Variants in GSE1 observed in about 807,000 individuals in gnomAD.
The protein encoded by GSE1 is genetic suppressor element 1.
GSE1 carries 32 observed loss-of-function variants against 112.6 expected under a neutral mutation model. The ratio of observed to expected loss-of-function variants is 0.28; its 90% confidence interval spans 0.21 to 0.38. The LOEUF (loss-of-function observed/expected upper bound fraction) is 0.38, where lower values mean the gene tolerates loss of function less well. Among genes scored for constraint, GSE1 ranks in the 10% least tolerant of loss-of-function variants. GSE1 has a pLI of 1.00. For missense variants in GSE1, 2,348 were observed against 1,699.2 expected (o/e 1.38, Z -6.71); for synonymous variants, 1,115 against 735.6 (o/e 1.52, Z -8.35).
intron 1 of GSE1, among the ~76,000 whole-genome samples, chr16:85,317,320 AC>A (rs1366846068): frequency 6.6e-6 from 1 of 152,076 alleles, no homozygotes; most frequent in Non-Finnish European, 1.5e-5. Flanking sequence ...TTCCTGTAGA[AC>A]GTCGATAGCC....
At chr16:85,186,221 G>A (rs557815419) in intron 1 of GSE1, among the ~76,000 whole-genome samples, 1 of 152,216 alleles carries the variant, frequency 6.6e-6, no homozygotes, top group East Asian at 1.9e-4. Flanking sequence ...CTGTAATCCC[G>A]GCAGTTTGAG....
chr16:85,300,983 C>A (rs975001106), intron 1 of GSE1, among the ~76,000 whole-genome samples: 1 of 152,158 alleles, frequency 6.6e-6, no homozygotes, highest in Non-Finnish European at 1.5e-5. Context: ...TGTGGGATGG[C>A]AGCATTCGGC....
At chr16:85,547,305 C>A (rs2044734079) in intron 2 of GSE1, among the ~76,000 whole-genome samples, 1 of 152,230 alleles carries the variant, frequency 6.6e-6, no homozygotes, top group African/African-American at 2.4e-5. Flanking sequence ...GAAATGTATT[C>A]TCTCACGGAA....
At chr16:85,486,479 G>A (rs994010476) in intron 2 of GSE1, among the ~76,000 whole-genome samples, 30 of 152,226 alleles carry the variant, frequency 2.0e-4, no homozygotes, top group Admixed American at 6.5e-4. Flanking sequence ...CATTGCAGCC[G>A]CTAAGTGGCA....
intron 2 of GSE1, among the ~76,000 whole-genome samples, chr16:85,392,496 T>C (rs1436361204): frequency 6.6e-6 from 1 of 152,210 alleles, no homozygotes; most frequent in African/African-American, 2.4e-5. Flanking sequence ...TTGACTGTGG[T>C]GAGTAGCTGC....
At chr16:85,481,377 G>T (rs780424472) in intron 2 of GSE1, among the ~76,000 whole-genome samples, 1 of 152,236 alleles carries the variant, frequency 6.6e-6, no homozygotes, top group Non-Finnish European at 1.5e-5. Flanking sequence ...GGTTAACTCT[G>T]GGGACAGAGG....
intron 1 of GSE1, among the ~76,000 whole-genome samples, chr16:85,259,521 G>T (rs1359036882): frequency 6.6e-6 from 1 of 152,248 alleles, no homozygotes; most frequent in Non-Finnish European, 1.5e-5. Context: ...GGCTTGTTTT[G>T]CCCCAGGGCA....
intron 1 of GSE1, among the ~76,000 whole-genome samples, chr16:85,352,765 G>A (rs887377338): frequency 3.9e-5 from 6 of 152,270 alleles, no homozygotes; most frequent in Admixed American, 1.3e-4. Context: ...ACAGCCTTGC[G>A]TGTCCATTAA....
At chr16:85,181,080 C>CG (rs1567592681) in intron 1 of GSE1, among the ~76,000 whole-genome samples, 1 of 152,124 alleles carries the variant, frequency 6.6e-6, no homozygotes, top group African/African-American at 2.4e-5. Context: ...CGGTGAATGC[C>CG]GGGCCATGTG....
chr16:85,291,469 G>C (rs542627867), intron 1 of GSE1, among the ~76,000 whole-genome samples: 1 of 152,130 alleles, frequency 6.6e-6, no homozygotes, highest in Admixed American at 6.5e-5. Flanking sequence ...GCCCTCCCCA[G>C]CCTCCTCCCC....
At chr16:85,612,506 C>G (rs964480423), upstream of GSE1, among the ~76,000 whole-genome samples, 1 of 152,142 alleles carries the variant, frequency 6.6e-6, no homozygotes, top group Non-Finnish European at 1.5e-5. Flanking sequence ...TAATGATCCC[C>G]CTGGCGAAGC....
chr16:85,502,944 G>A (rs7500042), intron 2 of GSE1, among the ~76,000 whole-genome samples: 23,124 of 152,118 alleles, frequency 0.15, 2,093 homozygotes, highest in East Asian at 0.31. Context: ...GGCGGGAGGA[G>A]GATTATCGGA....
chr16:85,385,328 C>T (rs974678334), intron 2 of GSE1, among the ~76,000 whole-genome samples: 8 of 152,352 alleles, frequency 5.3e-5, no homozygotes, highest in East Asian at 1.9e-4. Context: ...TTGCCCCTGA[C>T]GCCATCTGTG....
intron 2 of GSE1, among the ~76,000 whole-genome samples, chr16:85,505,009 A>T (rs902439315): frequency 8.6e-6 from 1 of 116,190 alleles, no homozygotes; most frequent in Non-Finnish European, 1.7e-5. Context: ...TCACATGTGC[A>T]CACACATGTG....
At chr16:85,279,859 C>T (rs954759138) in intron 1 of GSE1, among the ~76,000 whole-genome samples, 13 of 152,172 alleles carry the variant, frequency 8.5e-5, no homozygotes, top group African/African-American at 3.1e-4. Flanking sequence ...CGCCCATTTC[C>T]CGGTGGAAGG....
At chr16:85,188,367 G>T (rs755513548) in intron 1 of GSE1, among the ~76,000 whole-genome samples, 3 of 152,170 alleles carry the variant, frequency 2.0e-5, no homozygotes, top group Non-Finnish European at 4.4e-5. Context: ...ATTAATGTTG[G>T]CTCTTATTAC....
intron 1 of GSE1, among the ~76,000 whole-genome samples, chr16:85,582,747 C>T (rs1567613547): frequency 3.3e-5 from 5 of 152,286 alleles, no homozygotes; most frequent in Middle Eastern, 3.4e-3. Context: ...CACAACCCCC[C>T]CTCGCCTCTT....
chr16:85,298,102 G>C (rs1419337067), intron 1 of GSE1, among the ~76,000 whole-genome samples: 1 of 152,220 alleles, frequency 6.6e-6, no homozygotes, highest in Non-Finnish European at 1.5e-5. Flanking sequence ...TTCTCAAACT[G>C]CAACGTGGGA....
At chr16:85,596,962 G>GT (rs969456169) in intron 1 of GSE1, among the ~76,000 whole-genome samples, 8 of 150,558 alleles carry the variant, frequency 5.3e-5, no homozygotes, top group East Asian at 1.9e-4. Flanking sequence ...CTTTGTAGTT[G>GT]TTTTTTTGTT....
Sources: allele counts gnomAD v4.1 joint callset (sites outside exome capture counted in the v4.1 genomes callset), GRCh38; gene constraint gnomAD v4.1.1; transcripts MANE v1.5; gene names NCBI Gene and HGNC (gene_info 2026-07-23, HGNC 2026-07-21).